The following VSNL1 variants were observed in gnomAD, a reference collection of about 807,000 sequenced individuals.
VSNL1 encodes the protein visinin like 1.
VSNL1 carries 6 observed loss-of-function variants against 20.4 expected under a neutral mutation model. That is an observed-to-expected ratio of 0.29 (90% CI 0.16 to 0.58). The LOEUF is 0.58. Ranked by LOEUF, VSNL1 falls within the 20% of genes least tolerant of loss-of-function variation. The pLI is 0.90. For synonymous variants in VSNL1, 93 were observed against 86.4 expected (o/e 1.08, Z -0.42); for missense variants, 100 against 234.5 (o/e 0.43, Z 3.75).
intron 1 of VSNL1, among the ~76,000 whole-genome samples, chr2:17,563,376 T>TGG (rs1663862789): frequency 6.6e-6 from 1 of 152,160 alleles, no homozygotes; most frequent in African/African-American, 2.4e-5. Flanking sequence ...TCATTGTAGC[T>TGG]GGGGGTGTTT....
At chr2:17,624,160 T>C (rs1665450350) in intron 2 of VSNL1, among the ~76,000 whole-genome samples, 1 of 152,294 alleles carries the variant, frequency 6.6e-6, no homozygotes, top group Admixed American at 6.5e-5. Flanking sequence ...CCTACACTTG[T>C]TTCTGTGTTA....
chr2:17,612,830 ACATT>A (rs1455319937), intron 2 of VSNL1, among the ~76,000 whole-genome samples: 1 of 152,190 alleles, frequency 6.6e-6, no homozygotes, highest in Non-Finnish European at 1.5e-5. Context: ...ATTCTACAGT[ACATT>A]CACTCCCTCA....
At chr2:17,541,651 GA>G (rs2103331313) in intron 1 of VSNL1, 1 of 152,302 alleles carries the variant, frequency 6.6e-6, no homozygotes, top group South Asian at 2.1e-4. Flanking sequence ...TCGCCATCCG[GA>G]ATCTGGGGTT....
intron 2 of VSNL1, among the ~76,000 whole-genome samples, chr2:17,595,254 A>G (rs772663215): frequency 6.6e-6 from 1 of 152,208 alleles, no homozygotes; most frequent in Non-Finnish European, 1.5e-5. Flanking sequence ...CCTGAATGTA[A>G]TAAGTGCTGG....
chr2:17,614,344 G>T (rs1164590310), intron 2 of VSNL1, among the ~76,000 whole-genome samples: 1 of 152,234 alleles, frequency 6.6e-6, no homozygotes, highest in African/African-American at 2.4e-5. Context: ...AATGAATCCT[G>T]TTGGCAGAAC....
chr2:17,612,749 A>G (rs1001374380), intron 2 of VSNL1, among the ~76,000 whole-genome samples: 7 of 152,152 alleles, frequency 4.6e-5, no homozygotes, highest in African/African-American at 1.7e-4. Context: ...GGGCTTTAAC[A>G]TGTTGCTGGA....
chr2:17,638,142 A>G (rs16983741), intron 2 of VSNL1, among the ~76,000 whole-genome samples: 2,043 of 152,244 alleles, frequency 0.013, 24 homozygotes, highest in African/African-American at 0.031. Flanking sequence ...TGTAGAGTCT[A>G]TACAGCCCCA....
chr2:17,651,439 C>G (rs570460244), intron 3 of VSNL1, among the ~76,000 whole-genome samples: 1 of 152,352 alleles, frequency 6.6e-6, no homozygotes, highest in South Asian at 2.1e-4. Context: ...GGAGGGCACA[C>G]AGACCAATGC....
intron 2 of VSNL1, among the ~76,000 whole-genome samples, chr2:17,619,487 G>A (rs778621548): frequency 3.3e-5 from 5 of 152,140 alleles, no homozygotes; most frequent in Non-Finnish European, 5.9e-5. Context: ...ACTCAAATGC[G>A]AAACTTCAGA....
At chr2:17,549,250 T>G (rs1357343644) in intron 1 of VSNL1, among the ~76,000 whole-genome samples, 2 of 152,196 alleles carry the variant, frequency 1.3e-5, no homozygotes, top group Non-Finnish European at 1.5e-5. Context: ...CAGAACATGT[T>G]CAGATCAGGT....
At chr2:17,546,377 T>G (rs1294236015) in intron 1 of VSNL1, among the ~76,000 whole-genome samples, 1 of 151,642 alleles carries the variant, frequency 6.6e-6, no homozygotes, top group Non-Finnish European at 1.5e-5. Context: ...TGAAAGACTA[T>G]GAACTTTTGA....
At chr2:17,644,179 G>A (rs534786288) in intron 2 of VSNL1, among the ~76,000 whole-genome samples, 23 of 152,296 alleles carry the variant, frequency 1.5e-4, no homozygotes, top group African/African-American at 5.5e-4. Context: ...TGGATGTGAA[G>A]AGCTGAAAGC....
At chr2:17,560,108 G>A (rs1241988704) in intron 1 of VSNL1, among the ~76,000 whole-genome samples, 6 of 151,346 alleles carry the variant, frequency 4.0e-5, no homozygotes, top group Non-Finnish European at 8.8e-5. Flanking sequence ...ATTAAAAAAT[G>A]AAAGAAAGAC....
chr2:17,592,626 T>C (rs1038496283), intron 2 of VSNL1, among the ~76,000 whole-genome samples: 101 of 116,792 alleles, frequency 8.6e-4, no homozygotes, highest in African/African-American at 2.7e-3. Context: ...AGAGGGCTTT[T>C]TCTCTCTCTC....
At chr2:17,632,758 C>T (rs1407201693) in intron 2 of VSNL1, among the ~76,000 whole-genome samples, 1 of 152,182 alleles carries the variant, frequency 6.6e-6, no homozygotes, top group African/African-American at 2.4e-5. Flanking sequence ...ATAGACACAG[C>T]ATATTTCCTT....
intron 2 of VSNL1, among the ~76,000 whole-genome samples, chr2:17,594,663 G>C (rs1519475): frequency 0.29 from 44,488 of 152,080 alleles, 8,123 homozygotes; most frequent in East Asian, 0.8. Flanking sequence ...GCTGACTGCA[G>C]CCTCTGCCCT....
At chr2:17,566,638 A>C (rs780626304) in intron 1 of VSNL1, among the ~76,000 whole-genome samples, 25 of 152,276 alleles carry the variant, frequency 1.6e-4, no homozygotes, top group Middle Eastern at 3.4e-3. Context: ...CATTGCAGAT[A>C]TTATCTCTTT....
chr2:17,562,277 T>G lies in VSNL1; in HGVS notation c.-6+21359T>G, dbSNP rs903059009. 2.6e-5 allele frequency among the ~76,000 whole-genome samples: 4 copies of G among 152,346 alleles called. No individual in the cohort carries two copies. In the South Asian group the frequency reaches 8.3e-4, roughly 32 times the overall value. On this transcript the variant is annotated intron_variant, in intron 1 of 3. Transcript: ENST00000295156. The stretch of plus-strand genomic sequence containing the variant: ...CATGAATTTGAAAAATAATGCAATA[T>G]GTGAAAGAAACCCTATTCAGTTTCC...
intron 1 of VSNL1, among the ~76,000 whole-genome samples, chr2:17,564,133 G>A (rs1288117618): frequency 6.6e-6 from 1 of 152,114 alleles, no homozygotes; most frequent in Non-Finnish European, 1.5e-5. Flanking sequence ...AGGAAAACAA[G>A]GCTTTCTTTT....
Sources: allele counts gnomAD v4.1 joint callset (sites outside exome capture counted in the v4.1 genomes callset), GRCh38; gene constraint gnomAD v4.1.1; transcripts MANE v1.5; gene names NCBI Gene and HGNC (gene_info 2026-07-23, HGNC 2026-07-21).